The following ARID5B variants were observed in gnomAD, a reference collection of about 807,000 sequenced individuals.
The protein encoded by ARID5B is AT-rich interaction domain 5B.
In ARID5B, 13 loss-of-function variants were observed where a neutral mutation model predicts 97.2. The ratio of observed to expected loss-of-function variants is 0.13; its 90% confidence interval spans 0.09 to 0.21. ARID5B has a LOEUF of 0.21. Among genes scored for constraint, ARID5B ranks in the 10% least tolerant of loss-of-function variants. ARID5B has a pLI of 1.00. For synonymous variants in ARID5B, 556 were observed against 570.3 expected (o/e 0.97, Z 0.36); for missense variants, 1,210 against 1,465.3 (o/e 0.83, Z 2.84).
chr10:61,929,342 C>T (rs868190206), intron 2 of ARID5B, among the ~76,000 whole-genome samples: 1 of 152,164 alleles, frequency 6.6e-6, no homozygotes, highest in Non-Finnish European at 1.5e-5. Flanking sequence ...TGTTCCATCC[C>T]CTCCCTGCCA....
rs1839893812 is a variant in ARID5B, at chr10:62,059,307, A to G, written c.1101+12A>G. ...GAGGATATGAAACAGTAAGTGTTTA[A>G]GCAACTTAAATGAAATAATTTTGCA... On this transcript the variant is annotated intron_variant, in intron 7 of 9. Coordinates refer to ENST00000279873, the MANE Select transcript of ARID5B (RefSeq NM_032199.3). 7 of 1,609,688 alleles carry G rather than the reference A, an allele frequency of 4.3e-6. No homozygotes were observed. The highest frequency in any genetic ancestry group is 5.9e-6 in the Non-Finnish European group (7 of 1,177,094).
At chr10:61,927,796 A>C (rs973251703) in intron 2 of ARID5B, among the ~76,000 whole-genome samples, 2 of 152,252 alleles carry the variant, frequency 1.3e-5, no homozygotes, top group Non-Finnish European at 2.9e-5. Context: ...TGATATCATC[A>C]TTTCAGAGAA....
intron 4 of ARID5B, among the ~76,000 whole-genome samples, chr10:62,038,231 G>A (rs1839589659): frequency 6.6e-6 from 1 of 152,012 alleles, no homozygotes; most frequent in Non-Finnish European, 1.5e-5. Flanking sequence ...ACCCAATTGG[G>A]TAACTGACTA....
chr10:62,008,032 G>A lies in ARID5B; in HGVS notation c.733+7711G>A, dbSNP rs1443217001. ...TCTTTACATGTTTACAGTCTGTCCC[G>A]CCCCCTCCACCCACCTCCCCCGCCC... On this transcript the variant is annotated intron_variant, in intron 4 of 9. Coordinates refer to ENST00000279873, the MANE Select transcript of ARID5B (RefSeq NM_032199.3). 1.7e-4 allele frequency among the ~76,000 whole-genome samples: 10 copies of A among 60,600 alleles called. No individual in the cohort carries two copies. The East Asian group carries it at 3.0e-3, about 18-fold the overall frequency. 39.8% of individuals were successfully genotyped at this position (60,600 alleles called of 152,430 possible). A position where few individuals can be genotyped will look rare whatever the true frequency, so the allele number is the denominator to read the frequency against.
rs148354280 is a variant in ARID5B, at chr10:61,964,091, G to T, written c.502+23683G>T. Among the ~76,000 whole-genome samples, 19 of 152,184 alleles carry T rather than the reference G, an allele frequency of 1.2e-4. No homozygotes were observed. In the East Asian group the frequency reaches 3.5e-3, roughly 28 times the overall value. On this transcript the variant is annotated intron_variant, in intron 3 of 9. Transcript: ENST00000279873. ...TGGATAATCAGATGTAGTGGGGAGA[G>T]AATCAACACATTAGCAACTGTAGGG...
intron 3 of ARID5B, among the ~76,000 whole-genome samples, chr10:61,989,544 A>T (rs377464480): frequency 4.6e-5 from 7 of 152,378 alleles, no homozygotes; most frequent in East Asian, 3.9e-4. Context: ...AACTATAATT[A>T]GAAGACATAT....
In ARID5B at chr10:62,092,045, TGTACAGGG is replaced by T. The variant is rs780120483; in HGVS notation, c.2583_2590del (p.Met861IlefsTer40). 1 of 1,614,112 alleles carries T rather than the reference TGTACAGGG, an allele frequency of 6.2e-7. No individual in the cohort carries two copies. Among genetic ancestry groups the T allele is most frequent in the East Asian group, 2.2e-5 (1 of 44,876 alleles). On this transcript the variant is annotated frameshift_variant, in exon 10 of 10. Transcript: ENST00000279873. LOFTEE classifies it high-confidence loss of function. ...ACATCCAAATACCCTTCCAGGGACA[TGTACAGGG>T]AATCGGAAAACAGTTCTTTTCCTTC...
intron 2 of ARID5B, among the ~76,000 whole-genome samples, chr10:61,906,749 T>C (rs1843714552): frequency 6.6e-6 from 1 of 152,180 alleles, no homozygotes; most frequent in Non-Finnish European, 1.5e-5. Flanking sequence ...TCTCCTCAAA[T>C]AGAATCTCTA....
In ARID5B at chr10:62,093,360, A is replaced by G. The variant is rs1840415369; in HGVS notation, c.*330A>G. On this transcript the variant is annotated 3_prime_UTR_variant, in exon 10 of 10. Coordinates refer to ENST00000279873, the MANE Select transcript of ARID5B (RefSeq NM_032199.3). ...GGACCCCATCTGAGTTCGGATGGTC[A>G]GGAAACAATCTGGGCAAAAAAGAGG... is the stretch of plus-strand genomic sequence containing the variant. 2.1e-5 allele frequency: 6 copies of G among 289,142 alleles called. No individual in the cohort carries two copies. Among genetic ancestry groups the G allele is most frequent in the Middle Eastern group, 9.7e-4 (1 of 1,032 alleles). 17.9% of individuals were successfully genotyped at this position (289,142 alleles called of 1,614,324 possible). A position where few individuals can be genotyped will look rare whatever the true frequency, so the allele number is the denominator to read the frequency against.
At chr10:61,963,656 A>C (rs994347259) in intron 3 of ARID5B, among the ~76,000 whole-genome samples, 1 of 151,770 alleles carries the variant, frequency 6.6e-6, no homozygotes, top group African/African-American at 2.4e-5. Flanking sequence ...GGCCCCACAG[A>C]AAGCTCCATG....
chr10:62,010,050 C>T (rs1331633861), intron 4 of ARID5B, among the ~76,000 whole-genome samples: 1 of 152,170 alleles, frequency 6.6e-6, no homozygotes. Flanking sequence ...TATATTCCCC[C>T]GAGGGAGTGA....
Position 62,093,104 on chromosome 10 carries a change from TAG to T in ARID5B, c.*77_*78del, listed in dbSNP as rs1393853054. 402 of 1,520,796 alleles carry T rather than the reference TAG, an allele frequency of 2.6e-4. 6 individuals carry two copies. The East Asian group carries it at 9.0e-3, about 34-fold the overall frequency. 94.2% of individuals were successfully genotyped at this position (1,520,796 alleles called of 1,614,324 possible). A position where few individuals can be genotyped will look rare whatever the true frequency, so the allele number is the denominator to read the frequency against. ...CTCCTTACCCAGGAGTGCTGGCTTA[TAG>T]AGTTAGAAGTCAGTATTTCTTCTAA... On this transcript the variant is annotated 3_prime_UTR_variant, in exon 10 of 10. Coordinates refer to ENST00000279873, the MANE Select transcript of ARID5B (RefSeq NM_032199.3).
intron 2 of ARID5B, among the ~76,000 whole-genome samples, chr10:61,906,820 C>G (rs1258601018): frequency 1.3e-5 from 2 of 152,190 alleles, no homozygotes; most frequent in Non-Finnish European, 2.9e-5. Flanking sequence ...GCTGTGTTAT[C>G]TTGGGCAAGT....
intron 3 of ARID5B, among the ~76,000 whole-genome samples, chr10:61,978,846 C>A (rs1269994203): frequency 2.0e-5 from 3 of 152,140 alleles, no homozygotes; most frequent in Non-Finnish European, 2.9e-5. Flanking sequence ...ACTGAAAACC[C>A]TTTATTTCTT....
chr10:61,945,396 A>C (rs1200602433), intron 3 of ARID5B, among the ~76,000 whole-genome samples: 2 of 152,234 alleles, frequency 1.3e-5, no homozygotes, highest in African/African-American at 4.8e-5. Context: ...ATCTGTACTC[A>C]CTTCATTGCT....
At chr10:61,967,063 G>T (rs192698412) in intron 3 of ARID5B, among the ~76,000 whole-genome samples, 1 of 151,686 alleles carries the variant, frequency 6.6e-6, no homozygotes, top group Admixed American at 6.6e-5. Flanking sequence ...TGCATTTTCC[G>T]TTACTAGATT....
At chr10:61,916,433 A>G (rs1486283206) in intron 2 of ARID5B, among the ~76,000 whole-genome samples, 1 of 152,230 alleles carries the variant, frequency 6.6e-6, no homozygotes, top group African/African-American at 2.4e-5. Flanking sequence ...GCCCTTATAT[A>G]AAATGCCAAC....
chr10:62,092,009 A>G lies in ARID5B; in HGVS notation c.2546A>G (p.His849Arg). 1.9e-6 allele frequency: 3 copies of G among 1,614,146 alleles called. No homozygotes were observed. The highest frequency in any genetic ancestry group is 1.1e-5 in the South Asian group (1 of 91,068). Residue 849 changes from histidine (H) to arginine (R), a missense_variant, in exon 10 of 10, where the codon CAT (histidine) becomes CGT (arginine). His to Arg is a conservative substitution (Grantham distance 29). Transcript: ENST00000279873. ...TACAGACACACCGAGCACCATCTTC[A>G]TAATGAACAGACATCCAAATACCCT... ...SLYRHTEHHL[H>R]NEQTSKYPSR...
intron 3 of ARID5B, among the ~76,000 whole-genome samples, chr10:61,974,049 T>G (rs1163979241): frequency 6.6e-6 from 1 of 152,208 alleles, no homozygotes; most frequent in African/African-American, 2.4e-5. Context: ...ATATGCTTAC[T>G]TGGCTTTACT....
Sources: allele counts gnomAD v4.1 joint callset (sites outside exome capture counted in the v4.1 genomes callset), GRCh38; gene constraint gnomAD v4.1.1; transcripts MANE v1.5; gene names NCBI Gene and HGNC (gene_info 2026-07-23, HGNC 2026-07-21).